Variants in SMPD4 observed in about 807,000 individuals in gnomAD.
SMPD4 encodes the protein neutral sphingomyelinase 3.
SMPD4 carries 58 observed loss-of-function variants against 97.8 expected under a neutral mutation model. The observed-to-expected ratio is 0.59, with a 90% CI of 0.48 to 0.74. The LOEUF (loss-of-function observed/expected upper bound fraction) is 0.74. SMPD4 is among the 30% of genes least tolerant of loss of function. The probability of loss-of-function intolerance (pLI) is 0.00; values close to 1 mark genes in which losing one functional copy is unlikely to be tolerated. For missense variants in SMPD4, 853 were observed against 1,080.5 expected, an observed-to-expected ratio of 0.79 and a Z score of 2.95; for synonymous variants, 388 against 450.0, an observed-to-expected ratio of 0.86 and a Z score of 1.74.
intron 11 of SMPD4, among the ~76,000 whole-genome samples, chr2:130,158,964 A>C (rs1370336386): frequency 1.3e-5 from 2 of 152,174 alleles, no homozygotes; most frequent in African/African-American, 4.8e-5. Flanking sequence ...CCCCAGAGAT[A>C]AGTGGCTGAG....
rs1233670880 is a variant in SMPD4 at position 130,176,746 on chromosome 2, A to C, written c.-45-109T>G. ...TCTGTTGCCCAGGCTGGCATGCAGC[A>C]GCACGATCATAGCTCACTGCAACCT... On this transcript the variant is annotated intron_variant, in intron 1 of 19. Transcript: ENST00000680298. 7.1e-6 allele frequency: 6 copies of C among 845,804 alleles called. No individual in the cohort carries two copies. In the African/African-American group the frequency reaches 1.0e-4, roughly 14 times the overall value. The allele number at this position is 845,804 out of a possible 1,614,324, so 52.4% of individuals were successfully genotyped here.
In SMPD4 at chr2:130,181,502, TCTCAGGCGCGCATCCC is replaced by T. The variant is rs1300543918; in HGVS notation, c.-46+12_-46+27del. ...GGGAAGCCCCCAGGGCGCCGGACCG[TCTCAGGCGCGCATCCC>T]GCGCCACTCACCTGTGGGATCCATA... On this transcript the variant is annotated intron_variant, in intron 1 of 19. Coordinates refer to ENST00000680298, the MANE Select transcript of SMPD4 (RefSeq NM_017951.5). The T allele has an allele frequency of 6.3e-7, 1 of 1,588,212 alleles. No individual in the cohort carries two copies. Among genetic ancestry groups the T allele is most frequent in the Admixed American group, 1.8e-5 (1 of 56,306 alleles).
Position 130,153,331 on chromosome 2 carries a change from CA to C in SMPD4, c.2012del (p.Leu671ArgfsTer82), listed in dbSNP as rs1459363663. 6.2e-7 allele frequency: 1 copy of C among 1,613,636 alleles called. No individual in the cohort carries two copies. On this transcript the variant is annotated frameshift_variant, in exon 18 of 20. Transcript: ENST00000680298. LOFTEE classifies it high-confidence loss of function. ...VGEDGLILTP[L>X]GRYQIINGLR... ...ACGGGCCTCTCACCTGGTACCGCCCCAGGGGCGTAAGGATGAGTCCGTCCTC... is the reference window on the plus strand; with the variant it reads ...ACGGGCCTCTCACCTGGTACCGCCCCGGGGCGTAAGGATGAGTCCGTCCTC...
Position 130,152,363 on chromosome 2 carries a change from C to G in SMPD4, c.*192G>C. On this transcript the variant is annotated 3_prime_UTR_variant, in exon 20 of 20. Coordinates refer to ENST00000680298, the MANE Select transcript of SMPD4 (RefSeq NM_017951.5). ...AGCTGTTGAGCCCTGGCAGCTACTC[C>G]TTTGCTGGGGCCCACCTGCCTTCCT... The G allele has an allele frequency of 1.5e-6, 1 of 645,482 alleles. No homozygotes were observed. Among genetic ancestry groups the G allele is most frequent in the Non-Finnish European group, 2.6e-6 (1 of 380,542 alleles). 40.0% of individuals were successfully genotyped at this position (645,482 alleles called of 1,614,324 possible).
At chr2:130,158,519 T>G (rs77886868) in intron 11 of SMPD4, among the ~76,000 whole-genome samples, 22 of 151,708 alleles carry the variant, frequency 1.5e-4, no homozygotes, top group Non-Finnish European at 2.8e-4. Context: ...TTCACCATGT[T>G]GGCCTGACCT....
Position 130,174,995 on chromosome 2 carries a change from G to A in SMPD4, c.45C>T (p.Ser15=), listed in dbSNP as rs369069026. ...GCTTATTTATAGAGTCAGCTTTCAG[G>A]CTAGCCTAGAAGACAGAACAAAGCG... ...HLQQPSFLLA[S]LKADSINKPF... Residue 15 remains serine (S), a synonymous_variant, in exon 3 of 20, where the codon AGC becomes AGT. Transcript: ENST00000680298. 21 of 1,605,938 alleles carry A rather than the reference G, an allele frequency of 1.3e-5. No homozygotes were observed. In the African/African-American group the frequency reaches 2.5e-4, roughly 19 times the overall value.
upstream of SMPD4, chr2:130,181,668 A>G: frequency 6.5e-7 from 1 of 1,550,314 alleles, no homozygotes; most frequent in Non-Finnish European, 8.7e-7. Context: ...TTGGGCCGTT[A>G]CCTCAAAAGG....
intron 8 of SMPD4, among the ~76,000 whole-genome samples, chr2:130,167,933 A>G (rs1175065203): frequency 6.6e-6 from 1 of 152,154 alleles, no homozygotes; most frequent in South Asian, 2.1e-4. Flanking sequence ...CACACCTGTG[A>G]GCATGGGGGC....
chr2:130,172,938 G>A (rs368368111), intron 5 of SMPD4, 43 bp from the exon 6 acceptor site: 392 of 1,578,198 alleles, frequency 2.5e-4, no homozygotes, highest in Non-Finnish European at 3.1e-4. Context: ...GTGCTGGTGC[G>A]TAGTGCCCGA....
Position 130,157,280 on chromosome 2 carries a change from G to T in SMPD4, c.1068C>A (p.His356Gln), listed in dbSNP as rs10206469. The stretch of plus-strand genomic sequence containing the variant: ...TGAACTCCTCCAGGGGGCTGGTGGC[G>T]TGGGAGTGGGCGGAGGGTGAGGCCT... ...PEQASPSAHS[H>Q]ATSPLEEFKR... The change falls in exon 12 of 20, where the codon CAC becomes CAA. Residue 356 changes from histidine to glutamine, a missense_variant. Physicochemically the swap from His to Gln is conservative, Grantham distance 24 (BLOSUM62 0). Coordinates refer to ENST00000680298, the MANE Select transcript of SMPD4 (RefSeq NM_017951.5). 6.4e-7 allele frequency: 1 copy of T among 1,558,558 alleles called. No homozygotes were observed. Among genetic ancestry groups the T allele is most frequent in the Non-Finnish European group, 8.7e-7 (1 of 1,150,868 alleles).
chr2:130,170,955 C>A (rs560716082), intron 8 of SMPD4, among the ~76,000 whole-genome samples: 174 of 151,510 alleles, frequency 1.1e-3, no homozygotes, highest in African/African-American at 3.5e-3. Flanking sequence ...CAGCTACTTG[C>A]GAGGCTGAGG....
chr2:130,156,289 C>T, intron 13 of SMPD4, 154 bp from the exon 14 acceptor site: 2 of 727,442 alleles, frequency 2.7e-6, no homozygotes, highest in Non-Finnish European at 4.6e-6. Context: ...TGAGGTTTGG[C>T]TCTTGCTGGC....
At chr2:130,164,352 G>A (rs1411855589) in intron 10 of SMPD4, 22 bp downstream of exon 10, 15 of 1,605,596 alleles carry the variant, frequency 9.3e-6, no homozygotes, top group Non-Finnish European at 1.2e-5. Flanking sequence ...GCAGGAGGTG[G>A]GAAGAAAAAC....
intron 5 of SMPD4, 51 bp from the exon 6 acceptor site, chr2:130,172,946 C>T (rs34057637): frequency 5.4e-5 from 85 of 1,565,662 alleles, no homozygotes; most frequent in East Asian, 1.9e-4. Context: ...GCGTAGTGCC[C>T]GATACGCAGT....
chr2:130,168,230 C>A (rs1011657526), intron 8 of SMPD4, among the ~76,000 whole-genome samples: 3 of 152,086 alleles, frequency 2.0e-5, no homozygotes, highest in African/African-American at 7.2e-5. Context: ...AATTCCCAGC[C>A]TGGGCAACAT....
At position 130,173,570 on chromosome 2, in the gene SMPD4, T is replaced by C. The variant is rs1233902000; in HGVS notation, c.213A>G (p.Leu71=). 1.2e-6 allele frequency: 2 copies of C among 1,613,730 alleles called. No individual in the cohort carries two copies. Among genetic ancestry groups the C allele is most frequent in the Admixed American group, 1.7e-5 (1 of 59,974 alleles). The change falls in exon 4 of 20, where the codon TTA becomes TTG. Residue 71 remains leucine (L), a synonymous_variant. Transcript: ENST00000680298. ...GVLVGWNLRC[L]QGRVNPVEYS... ...ACTCCACAGGATTCACGCGCCCCTG[T>C]AAGCAGCGGAGGTTCCAGCCAACGA...
chr2:130,171,358 C>A (rs1403061233), intron 8 of SMPD4, among the ~76,000 whole-genome samples: 3 of 152,162 alleles, frequency 2.0e-5, no homozygotes, highest in African/African-American at 7.2e-5. Flanking sequence ...CCACCTTGGC[C>A]TCCCAAAGTG....
chr2:130,167,422 G>C, intron 9 of SMPD4, 36 bp downstream of exon 9: 6 of 1,611,662 alleles, frequency 3.7e-6, no homozygotes, highest in Non-Finnish European at 5.1e-6. Context: ...ATGCCCAGCT[G>C]GCTGAACAGT....
At chr2:130,157,647 C>T in intron 11 of SMPD4, 2 of 687,594 alleles carry the variant, frequency 2.9e-6, no homozygotes, top group South Asian at 3.9e-5. Context: ...CCACACAGCC[C>T]TGGGGAGGCC....
Sources: gnomAD v4.1 joint callset for allele counts (sites outside exome capture counted in the v4.1 genomes callset) on GRCh38, gnomAD v4.1.1 for gene constraint, MANE v1.5 for transcripts, NCBI Gene and HGNC (gene_info 2026-07-23, HGNC 2026-07-21) for gene names.